Variants in PCK1 observed in about 807,000 individuals in gnomAD.
PCK1 encodes the protein phosphoenolpyruvate carboxykinase, cytosolic [GTP].
A neutral mutation model predicts 50.3 loss-of-function variants in PCK1; 44 were observed. The observed-to-expected ratio is 0.87, with a 90% CI of 0.69 to 1.12. PCK1 has a LOEUF of 1.12. PCK1 is among the 50% of genes most tolerant of loss of function. The pLI is 0.00. For synonymous variants in PCK1, 332 were observed against 314.3 expected, an observed-to-expected ratio of 1.06 and a Z score of -0.59; for missense variants, 790 against 815.0, an observed-to-expected ratio of 0.97 and a Z score of 0.37.
At chr20:57,563,388 C>A in intron 5 of PCK1, 173 bp downstream of exon 5, 1 of 692,402 alleles carries the variant, frequency 1.4e-6, no homozygotes, top group Non-Finnish European at 2.4e-6. Context: ...CTTTTGAAGG[C>A]CCCCAAACAC....
intron 9 of PCK1, 101 bp from the exon 10 acceptor site, chr20:57,565,249 A>G: frequency 7.6e-7 from 1 of 1,309,338 alleles, no homozygotes; most frequent in South Asian, 1.2e-5. Flanking sequence ...AGAGAGAGAA[A>G]GAGAGAGAGG....
At chr20:57,562,979 C>T in intron 4 of PCK1, 49 bp from the exon 5 acceptor site, 1 of 1,586,212 alleles carries the variant, frequency 6.3e-7, no homozygotes, top group Non-Finnish European at 8.6e-7. Flanking sequence ...CTCGGGGACC[C>T]CCAAGCAGGG....
rs1256902604 is a variant in PCK1 at position 57,565,623 on chromosome 20, C to T, written c.1688C>T (p.Ala563Val). The T allele has an allele frequency of 9.3e-6, 15 of 1,614,162 alleles. No individual in the cohort carries two copies. Among genetic ancestry groups the T allele is most frequent in the Non-Finnish European group, 1.3e-5 (15 of 1,180,020 alleles). ...TPIGYIPKED[A>V]LNLKGLGHIN... ...ATAGGCTACATCCCCAAGGAGGATG[C>T]CCTGAACCTGAAAGGCCTGGGGCAC... The change falls in exon 10 of 10, where the codon GCC becomes GTC. Residue 563 changes from alanine (A) to valine (V), a missense_variant. Coordinates refer to ENST00000319441, the MANE Select transcript of PCK1 (RefSeq NM_002591.4).
At chr20:57,565,010 G>A in intron 8 of PCK1, 30 bp from the exon 9 acceptor site, 1 of 1,516,000 alleles carries the variant, frequency 6.6e-7, no homozygotes, top group East Asian at 2.3e-5. Flanking sequence ...AGCCTCTGAT[G>A]AACATTTCTC....
chr20:57,562,337 A>T, intron 3 of PCK1, 85 bp downstream of exon 3: 2 of 1,181,548 alleles, frequency 1.7e-6, no homozygotes, highest in East Asian at 4.7e-5. Context: ...TCAAACAATA[A>T]TGGAAGCTCC....
Position 57,563,235 on chromosome 20 carries a change from T to C in PCK1, c.798+20T>C. The stretch of plus-strand genomic sequence containing the variant: ...ATGCTGGTGAGCCTGCAGGAAGCCC[T>C]GATGTGCAGATGAGAGGCCTGGGGG... On this transcript the variant is annotated intron_variant, in intron 5 of 9. Coordinates refer to ENST00000319441, the MANE Select transcript of PCK1 (RefSeq NM_002591.4). 2 of 1,610,454 alleles carry C rather than the reference T, an allele frequency of 1.2e-6. No individual in the cohort carries two copies. Among genetic ancestry groups the C allele is most frequent in the African/African-American group, 2.7e-5 (2 of 75,022 alleles).
rs1477003869 is a variant in PCK1, at chr20:57,567,585, A to G, written c.*1781A>G. Reference sequence around the variant, plus strand: ...ACTGCGGAACACGTTCTTGACATGTACTTGACTCAGAGTCCCATGTCTAAA... The same window carrying G: ...ACTGCGGAACACGTTCTTGACATGTGCTTGACTCAGAGTCCCATGTCTAAA... On this transcript the variant is annotated 3_prime_UTR_variant, in exon 10 of 10. Coordinates refer to ENST00000319441, the MANE Select transcript of PCK1 (RefSeq NM_002591.4). The G allele has an allele frequency of 1.3e-5, 2 of 152,256 alleles. No individual in the cohort carries two copies. Among genetic ancestry groups the G allele is most frequent in the East Asian group, 3.8e-4 (2 of 5,204 alleles). The allele number at this position is 152,256 out of a possible 1,614,324, so 9.4% of individuals were successfully genotyped here. A position where few individuals can be genotyped will look rare whatever the true frequency, so the allele number is the denominator to read the frequency against.
chr20:57,562,770 A>G lies in PCK1; in HGVS notation c.481A>G (p.Thr161Ala). ...TCTGTCAAAGATCGGCATCGAGCTGACGGATTCACCCTACGTGGTGGCCAG... is the reference window on the plus strand; with the variant it reads ...TCTGTCAAAGATCGGCATCGAGCTGGCGGATTCACCCTACGTGGTGGCCAG... Reference protein sequence around the residue: ...SPLSKIGIELTDSPYVVASMR... With the variant: ...SPLSKIGIELADSPYVVASMR... Residue 161 changes from threonine to alanine, a missense_variant, in exon 4 of 10, where the codon ACG becomes GCG. Thr to Ala is a moderately conservative substitution (Grantham distance 58). Coordinates refer to ENST00000319441, the MANE Select transcript of PCK1 (RefSeq NM_002591.4). 3 of 1,614,084 alleles carry G rather than the reference A, an allele frequency of 1.9e-6. No individual in the cohort carries two copies. The highest frequency in any genetic ancestry group is 2.5e-6 in the Non-Finnish European group (3 of 1,179,944).
chr20:57,566,278 C>T lies in PCK1; in HGVS notation c.*474C>T, dbSNP rs1428564370. On this transcript the variant is annotated 3_prime_UTR_variant, in exon 10 of 10. Transcript: ENST00000319441. ...CTGTTATTGAAAATATATTTAATAC[C>T]TTTGGAAAAATCTTGGGCAAGATGA... The T allele has an allele frequency of 6.6e-6, 1 of 150,440 alleles. No homozygotes were observed. The highest frequency in any genetic ancestry group is 1.5e-5 in the Non-Finnish European group (1 of 68,156). 9.3% of individuals were successfully genotyped at this position (150,440 alleles called of 1,614,324 possible).
In PCK1 at chr20:57,564,153, G is replaced by A. The variant is rs748344776; in HGVS notation, c.962-16G>A. On this transcript the variant is annotated splice_polypyrimidine_tract_variant and intron_variant, in intron 6 of 9. Coordinates refer to ENST00000319441, the MANE Select transcript of PCK1 (RefSeq NM_002591.4). ...CCTGGCACTCACTACTGCTTCTCTG[G>A]TTTAAAACTCTCCAGGTCATTTAAG... 94 of 1,584,862 alleles carry A rather than the reference G, an allele frequency of 5.9e-5. No homozygotes were observed. Among genetic ancestry groups the A allele is most frequent in the Non-Finnish European group, 7.6e-5 (88 of 1,154,628 alleles).
In PCK1 at chr20:57,564,221, G is replaced by A. The variant is rs765005813; in HGVS notation, c.1014G>A (p.Gly338=). The part of the protein sequence containing the change: ...PENGFFGVAP[G]TSVKTNPNAI... ...ATGGCTTTTTCGGTGTCGCTCCTGGGACTTCAGTGAAGACCAACCCCAATG... is the reference window on the plus strand; with the variant it reads ...ATGGCTTTTTCGGTGTCGCTCCTGGAACTTCAGTGAAGACCAACCCCAATG... Residue 338 remains glycine (G), a synonymous_variant, in exon 7 of 10, where the codon GGG becomes GGA. Coordinates refer to ENST00000319441, the MANE Select transcript of PCK1 (RefSeq NM_002591.4). 4 of 1,613,940 alleles carry A rather than the reference G, an allele frequency of 2.5e-6. No homozygotes were observed. Among genetic ancestry groups the A allele is most frequent in the Non-Finnish European group, 3.4e-6 (4 of 1,180,030 alleles).
intron 3 of PCK1, 93 bp from the exon 4 acceptor site, chr20:57,562,603 A>G: frequency 9.7e-7 from 1 of 1,034,720 alleles, no homozygotes; most frequent in East Asian, 2.6e-5. Context: ...TTAGTGGAAC[A>G]CCGTGAAAAT....
Position 57,565,088 on chromosome 20 carries a change from T to TG in PCK1, c.1372dup (p.Ala458GlyfsTer14). 6.2e-7 allele frequency: 1 copy of TG among 1,614,006 alleles called. No homozygotes were observed. Among genetic ancestry groups the TG allele is most frequent in the Non-Finnish European group, 8.5e-7 (1 of 1,179,958 alleles). Reference sequence around the variant, plus strand: ...CTCAGCTGGCAACATGGAGTCTTTGTGGGGGCGGCCATGAGATCAGAGGCC... The same window carrying TG: ...CTCAGCTGGCAACATGGAGTCTTTGTGGGGGGCGGCCATGAGATCAGAGGCC... On this transcript the variant is annotated frameshift_variant, in exon 9 of 10. Coordinates refer to ENST00000319441, the MANE Select transcript of PCK1 (RefSeq NM_002591.4). LOFTEE classifies it high-confidence loss of function.
chr20:57,566,970 A>C lies in PCK1; in HGVS notation c.*1166A>C, dbSNP rs1265910865. On this transcript the variant is annotated 3_prime_UTR_variant, in exon 10 of 10. Transcript: ENST00000319441. The stretch of plus-strand genomic sequence containing the variant: ...TAATTGAGCGCCTTCTGTATCCCGG[A>C]CATCATGCCAACACCATGGGCTGCC... The C allele has an allele frequency of 6.6e-6, 1 of 152,216 alleles. No individual in the cohort carries two copies. The highest frequency in any genetic ancestry group is 1.5e-5 in the Non-Finnish European group (1 of 68,048). The allele number at this position is 152,216 out of a possible 1,614,324, so 9.4% of individuals were successfully genotyped here. A position where few individuals can be genotyped will look rare whatever the true frequency, so the allele number is the denominator to read the frequency against.
chr20:57,562,013 AAGG>A, intron 2 of PCK1, 55 bp from the exon 3 acceptor site: 2 of 1,458,594 alleles, frequency 1.4e-6, no homozygotes, highest in South Asian at 2.3e-5. Context: ...CACGGTACTG[AAGG>A]AGATGGTTCG....
At chr20:57,562,348 C>A in intron 3 of PCK1, 96 bp downstream of exon 3, 1 of 1,049,742 alleles carries the variant, frequency 9.5e-7, no homozygotes, top group Non-Finnish European at 1.4e-6. Context: ...TGGAAGCTCC[C>A]ACCACCTCAG....
In PCK1 at chr20:57,566,236, A is replaced by T. The variant is rs1230296849; in HGVS notation, c.*432A>T. On this transcript the variant is annotated 3_prime_UTR_variant, in exon 10 of 10. Transcript: ENST00000319441. Reference sequence around the variant, plus strand: ...ATGTGTCTGTGTGGTATATTTGTGTATGTGTATTTGTATGTACTGTTATTG... The same window carrying T: ...ATGTGTCTGTGTGGTATATTTGTGTTTGTGTATTTGTATGTACTGTTATTG... The T allele has an allele frequency of 6.4e-6, 1 of 157,118 alleles. No individual in the cohort carries two copies. Among genetic ancestry groups the T allele is most frequent in the Non-Finnish European group, 1.4e-5 (1 of 72,434 alleles). 9.7% of individuals were successfully genotyped at this position (157,118 alleles called of 1,614,324 possible).
chr20:57,564,803 C>G, intron 8 of PCK1, 190 bp downstream of exon 8: 1 of 629,942 alleles, frequency 1.6e-6, no homozygotes, highest in South Asian at 2.0e-5. Flanking sequence ...CACCTGGAAC[C>G]TTTCTGAATC....
At chr20:57,561,282 G>A in intron 1 of PCK1, 79 bp downstream of exon 1, 1 of 644,070 alleles carries the variant, frequency 1.6e-6, no homozygotes, top group Non-Finnish European at 2.8e-6. Context: ...TAACTATTTG[G>A]CAATGCACAG....
Sources: allele counts gnomAD v4.1 joint callset, GRCh38; gene constraint gnomAD v4.1.1; transcripts MANE v1.5; gene names NCBI Gene and HGNC (gene_info 2026-07-23, HGNC 2026-07-21).